TRIM42: variants seen among roughly 807,000 people sequenced by gnomAD.
TRIM42 encodes tripartite motif containing 42.
Under a neutral mutation model 64.9 loss-of-function variants are expected in TRIM42, and 59 were observed. The ratio of observed to expected loss-of-function variants is 0.91; its 90% CI spans 0.74 to 1.13. TRIM42 has a LOEUF of 1.13. TRIM42 is among the 50% of genes most tolerant of loss of function. The pLI, the probability that TRIM42 is intolerant of heterozygous loss-of-function variation, is 0.00. For missense variants in TRIM42, 878 were observed against 929.5 expected (o/e 0.94, Z 0.72); for synonymous variants, 354 against 346.3 (o/e 1.02, Z -0.25).
chr3:140,685,479 G>A (rs916833377), intron 2 of TRIM42, among the ~76,000 whole-genome samples: 1 of 152,190 alleles, frequency 6.6e-6, no homozygotes, highest in East Asian at 1.9e-4. Context: ...CTGAGAGCTT[G>A]TTAGAAATGC....
Position 140,688,515 on chromosome 3 carries a change from G to A in TRIM42, c.1833G>A (p.Gln611=). The change falls in exon 3 of 5, where the codon CAG becomes CAA. Residue 611 remains glutamine (Q), a synonymous_variant. Transcript: ENST00000286349. ...CCCCAGGCCCAATTGTTATCTACCA[G>A]ACTCTGGTGTACCCAAGAGCTGCCA... The part of the protein sequence containing the change: ...VKTPGPIVIY[Q]TLVYPRAAKV... 6.2e-7 allele frequency: 1 copy of A among 1,612,984 alleles called. No homozygotes were observed. Among genetic ancestry groups the A allele is most frequent in the South Asian group, 1.1e-5 (1 of 90,852 alleles).
intron 4 of TRIM42, among the ~76,000 whole-genome samples, chr3:140,698,083 C>T (rs535904237): frequency 6.6e-5 from 10 of 152,274 alleles, no homozygotes; most frequent in Non-Finnish European, 1.5e-4. Context: ...TATATCAATA[C>T]CATACTTGTT....
At chr3:140,679,681 T>C (rs1348415101) in intron 1 of TRIM42, among the ~76,000 whole-genome samples, 2 of 152,056 alleles carry the variant, frequency 1.3e-5, no homozygotes, top group African/African-American at 4.8e-5. Flanking sequence ...TCCTAAAACA[T>C]GGAAAATTGT....
intron 1 of TRIM42, among the ~76,000 whole-genome samples, chr3:140,679,870 C>T (rs1220000719): frequency 6.6e-6 from 1 of 151,992 alleles, no homozygotes; most frequent in Non-Finnish European, 1.5e-5. Flanking sequence ...TTACTGATGC[C>T]TGATCCCCAC....
chr3:140,681,716 G>A (rs1988399117), intron 1 of TRIM42, among the ~76,000 whole-genome samples: 1 of 152,130 alleles, frequency 6.6e-6, no homozygotes, highest in Non-Finnish European at 1.5e-5. Context: ...TGCAACAAGT[G>A]AGAACATAAA....
Position 140,682,539 on chromosome 3 carries a change from TG to T in TRIM42, c.421del (p.Val141Ter). On this transcript the variant is annotated frameshift_variant, in exon 2 of 5. Transcript: ENST00000286349. LOFTEE classifies it high-confidence loss of function. ...AAGTCAATACCAGCCAACAGTCACCTGGTGAACCACCTCAATTGCCCCATGT... is the reference window on the plus strand; with the variant it reads ...AAGTCAATACCAGCCAACAGTCACCTGTGAACCACCTCAATTGCCCCATGT... ...EVKSIPANSH[L>X]VNHLNCPMCS... 6.2e-7 allele frequency: 1 copy of T among 1,614,254 alleles called. No individual in the cohort carries two copies. The highest frequency in any genetic ancestry group is 8.5e-7 in the Non-Finnish European group (1 of 1,180,044).
rs189810317 is a variant in TRIM42 at position 140,691,225 on chromosome 3, T to C, written c.2085+33T>C. ...GTGCGTTATTTCTCAGACAGATTTT[T>C]TTTTCTATGGTAGGTTCTGGATGAG... On this transcript the variant is annotated intron_variant, in intron 4 of 4. Transcript: ENST00000286349. 1.9e-5 allele frequency: 31 copies of C among 1,592,502 alleles called. No homozygotes were observed. The South Asian group carries it at 2.8e-4, about 14-fold the overall frequency.
At chr3:140,685,356 C>T (rs1988523169) in intron 2 of TRIM42, among the ~76,000 whole-genome samples, 1 of 152,202 alleles carries the variant, frequency 6.6e-6, no homozygotes, top group Non-Finnish European at 1.5e-5. Flanking sequence ...AAAAACTCCT[C>T]ATGTGATTCT....
At chr3:140,680,634 C>T (rs565543847) in intron 1 of TRIM42, 56 of 978,092 alleles carry the variant, frequency 5.7e-5, no homozygotes, top group African/African-American at 1.2e-4. Flanking sequence ...CCAGGCACTA[C>T]ATGGACAATT....
chr3:140,678,268 A>G lies in TRIM42; in HGVS notation c.39A>G (p.Thr13=), dbSNP rs1409885711. The G allele has an allele frequency of 1.9e-6, 3 of 1,614,152 alleles. No individual in the cohort carries two copies. Among genetic ancestry groups the G allele is most frequent in the Middle Eastern group, 1.6e-4 (1 of 6,062 alleles). ...TGTGCGTTTGCTGTCCATGTTGTAC[A>G]TGGCAGAGATGTTGTCCTCAGTTAT... ...TAMCVCCPCC[T]WQRCCPQLCS... is the part of the protein sequence containing the mutation. The change falls in exon 1 of 5, where the codon ACA becomes ACG. Residue 13 remains threonine (T), a synonymous_variant. Transcript: ENST00000286349.
At chr3:140,699,028 T>TTTC (rs1988928165) in intron 4 of TRIM42, among the ~76,000 whole-genome samples, 1 of 151,056 alleles carries the variant, frequency 6.6e-6, no homozygotes, top group Admixed American at 6.6e-5. Context: ...TTAAGGAAAA[T>TTTC]TACTTCTAGG....
chr3:140,683,208 A>G, intron 2 of TRIM42, 49 bp downstream of exon 2: 4 of 1,578,562 alleles, frequency 2.5e-6, no homozygotes, highest in Non-Finnish European at 2.6e-6. Context: ...TCAGGAACAC[A>G]TGGGGAAGAT....
In TRIM42 at chr3:140,688,490, C is replaced by A. The variant is rs200909623; in HGVS notation, c.1808C>A (p.Thr603Asn). Residue 603 changes from threonine to asparagine, a missense_variant, in exon 3 of 5, where the codon ACC becomes AAC. By Grantham distance (65) the Thr-to-Asn change is moderately conservative. Coordinates refer to ENST00000286349, the MANE Select transcript of TRIM42 (RefSeq NM_152616.5). Reference sequence around the variant, plus strand: ...TCATTCAACGATGGCTCTGTGAAGACCCCAGGCCCAATTGTTATCTACCAG... The same window carrying A: ...TCATTCAACGATGGCTCTGTGAAGAACCCAGGCCCAATTGTTATCTACCAG... ...WYSFNDGSVK[T>N]PGPIVIYQTL... The A allele has an allele frequency of 1.2e-6, 2 of 1,613,914 alleles. No homozygotes were observed. Among genetic ancestry groups the A allele is most frequent in the Non-Finnish European group, 1.7e-6 (2 of 1,179,950 alleles).
Position 140,687,915 on chromosome 3 carries a change from A to C in TRIM42, c.1233A>C (p.Lys411Asn). 1 of 1,614,210 alleles carries C rather than the reference A, an allele frequency of 6.2e-7. No homozygotes were observed. The highest frequency in any genetic ancestry group is 8.5e-7 in the Non-Finnish European group (1 of 1,180,034). ...TGTCCAGGCAGAAGGAAATTGAAAA[A>C]TATGTGTATGTTACAACCATGAAAG... is the stretch of plus-strand genomic sequence containing the variant. ...LEVSRQKEIE[K>N]YVYVTTMKVN... The change falls in exon 3 of 5, where the codon AAA (lysine) becomes AAC (asparagine). Residue 411 changes from lysine (K) to asparagine (N), a missense_variant. Transcript: ENST00000286349.
intron 2 of TRIM42, among the ~76,000 whole-genome samples, chr3:140,686,085 CCT>C (rs1988538744): frequency 6.6e-6 from 1 of 152,134 alleles, no homozygotes; most frequent in Non-Finnish European, 1.5e-5. Context: ...CCTGGAGATG[CCT>C]TTTTCCTCTC....
At chr3:140,687,473 A>G (rs1193779143) in intron 2 of TRIM42, among the ~76,000 whole-genome samples, 1 of 152,216 alleles carries the variant, frequency 6.6e-6, no homozygotes, top group Non-Finnish European at 1.5e-5. Context: ...TCAAGGCCAT[A>G]GGGATTACTG....
At chr3:140,685,516 A>C (rs946188329) in intron 2 of TRIM42, among the ~76,000 whole-genome samples, 1 of 152,204 alleles carries the variant, frequency 6.6e-6, no homozygotes, top group African/African-American at 2.4e-5. Context: ...CCCCAGGCCT[A>C]GTGCATCAGA....
chr3:140,695,756 G>A (rs1363569939), intron 4 of TRIM42, among the ~76,000 whole-genome samples: 1 of 152,078 alleles, frequency 6.6e-6, no homozygotes, highest in Non-Finnish European at 1.5e-5. Context: ...AAAGATTAGG[G>A]TTGGAGCCAC....
Position 140,691,015 on chromosome 3 carries a change from A to C in TRIM42, c.1908A>C (p.Glu636Asp). The C allele has an allele frequency of 6.2e-7, 1 of 1,614,112 alleles. No homozygotes were observed. Among genetic ancestry groups the C allele is most frequent in the East Asian group, 2.2e-5 (1 of 44,876 alleles). ...PAEDVDSFEMEFYEVITSPPN... is the reference protein window; with the variant it reads ...PAEDVDSFEMDFYEVITSPPN... Reference sequence around the variant, plus strand: ...AAGACGTGGACTCTTTTGAGATGGAATTCTATGAAGTCATTACTTCTCCTC... The same window carrying C: ...AAGACGTGGACTCTTTTGAGATGGACTTCTATGAAGTCATTACTTCTCCTC... Residue 636 changes from glutamate to aspartate, a missense_variant, in exon 4 of 5, where the codon GAA becomes GAC. Physicochemically the swap from Glu to Asp is conservative, Grantham distance 45. Transcript: ENST00000286349.
Sources: gnomAD v4.1 joint callset for allele counts (sites outside exome capture counted in the v4.1 genomes callset) on GRCh38, gnomAD v4.1.1 for gene constraint, MANE v1.5 for transcripts, NCBI Gene and HGNC (gene_info 2026-07-23, HGNC 2026-07-21) for gene names.